POLR3B: variants seen among roughly 807,000 people sequenced by gnomAD.
The protein encoded by POLR3B is DNA-directed RNA polymerase III subunit RPC2.
Under a neutral mutation model 147.4 loss-of-function variants are expected in POLR3B, and 96 were observed. That is an observed-to-expected ratio of 0.65 (90% CI 0.55 to 0.77). The LOEUF (loss-of-function observed/expected upper bound fraction) is 0.77, where lower values mean the gene tolerates loss of function less well. POLR3B is among the 30% of genes least tolerant of loss of function. The pLI is 0.00. For missense variants in POLR3B, 1,036 were observed against 1,413.5 expected (o/e 0.73, Z 4.28); for synonymous variants, 461 against 485.9 (o/e 0.95, Z 0.67).
chr12:106,399,592 C>T (rs1363109875), intron 10 of POLR3B, among the ~76,000 whole-genome samples: 1 of 152,120 alleles, frequency 6.6e-6, no homozygotes, highest in African/African-American at 2.4e-5. Context: ...ATCGGGTTAC[C>T]CACAAAGGGA....
At chr12:106,468,461 T>G (rs893426552) in intron 23 of POLR3B, among the ~76,000 whole-genome samples, 4 of 152,220 alleles carry the variant, frequency 2.6e-5, no homozygotes. Flanking sequence ...TCAGTTCTGC[T>G]CTGATCTTAG....
chr12:106,396,753 G>A (rs1371586849), intron 10 of POLR3B, among the ~76,000 whole-genome samples: 1 of 151,928 alleles, frequency 6.6e-6, no homozygotes, highest in Non-Finnish European at 1.5e-5. Context: ...AAGAATCAAA[G>A]ATCCCAGCCT....
chr12:106,499,700 A>C (rs759356927), intron 25 of POLR3B, among the ~76,000 whole-genome samples: 4 of 152,198 alleles, frequency 2.6e-5, no homozygotes, highest in Non-Finnish European at 5.9e-5. Flanking sequence ...AACTAAGAAC[A>C]CTCAGCTAGA....
chr12:106,432,266 A>G (rs1325646074), intron 14 of POLR3B, 52 bp from the exon 15 acceptor site: 1 of 1,520,630 alleles, frequency 6.6e-7, no homozygotes, highest in Non-Finnish European at 9.1e-7. Flanking sequence ...TGTAAACTGT[A>G]CTTTGTATTA....
chr12:106,488,339 G>A (rs2038368414), intron 23 of POLR3B, among the ~76,000 whole-genome samples: 1 of 152,230 alleles, frequency 6.6e-6, no homozygotes, highest in Non-Finnish European at 1.5e-5. Flanking sequence ...TCCTTTAGTA[G>A]TATGCAAAAT....
At chr12:106,487,202 A>C (rs1341733224) in intron 23 of POLR3B, among the ~76,000 whole-genome samples, 1 of 152,214 alleles carries the variant, frequency 6.6e-6, no homozygotes, top group Non-Finnish European at 1.5e-5. Context: ...AGCTGATAAA[A>C]ATTTCAAAGT....
intron 12 of POLR3B, among the ~76,000 whole-genome samples, chr12:106,423,732 AT>A (rs1225430092): frequency 2.0e-5 from 3 of 152,162 alleles, no homozygotes; most frequent in African/African-American, 7.2e-5. Context: ...ACTGATTGAA[AT>A]GTCAATCTCT....
rs139134791 is a variant in POLR3B at position 106,501,305 on chromosome 12, A to T, written c.2985-18A>T. On this transcript the variant is annotated intron_variant, in intron 25 of 27. Transcript: ENST00000228347. ...CAAACTTAGTTTCTTAACCCACAAC[A>T]ATTGATCTTTCTTTCAGTGAGCCCT... The T allele has an allele frequency of 1.1e-3, 1,675 of 1,524,350 alleles. 18 individuals carry two copies. The African/African-American group carries it at 0.02, about 18-fold the overall frequency. 94.4% of individuals were successfully genotyped at this position (1,524,350 alleles called of 1,614,324 possible). A position where few individuals can be genotyped will look rare whatever the true frequency, so the allele number is the denominator to read the frequency against.
intron 9 of POLR3B, among the ~76,000 whole-genome samples, chr12:106,386,784 G>C (rs193090849): frequency 9.1e-4 from 138 of 152,118 alleles, no homozygotes; most frequent in South Asian, 1.2e-3. Flanking sequence ...GCAGGTGCCT[G>C]TAGTCCCAGC....
intron 23 of POLR3B, among the ~76,000 whole-genome samples, chr12:106,466,968 G>GT (rs2038014810): frequency 6.6e-6 from 1 of 152,190 alleles, no homozygotes; most frequent in African/African-American, 2.4e-5. Flanking sequence ...CTTTAAAGTA[G>GT]TTTTCTCTGG....
intron 23 of POLR3B, among the ~76,000 whole-genome samples, chr12:106,475,427 C>G (rs1425398988): frequency 5.3e-5 from 5 of 94,664 alleles, no homozygotes; most frequent in Non-Finnish European, 1.1e-4. Flanking sequence ...TCCTTGTTGA[C>G]TTTCTGTCTC....
chr12:106,510,076 A>C lies in POLR3B; in HGVS notation c.*527A>C, dbSNP rs1411764447. 6 of 172,952 alleles carry C rather than the reference A, an allele frequency of 3.5e-5. No homozygotes were observed. The East Asian group carries it at 9.2e-4, about 26-fold the overall frequency. The allele number at this position is 172,952 out of a possible 1,614,324, so 10.7% of individuals were successfully genotyped here. Reference sequence around the variant, plus strand: ...TTTGTAATTTTAGTCTTGGTGAAATATAATGAATTTGTTCCTACCTTGTCA... The same window carrying C: ...TTTGTAATTTTAGTCTTGGTGAAATCTAATGAATTTGTTCCTACCTTGTCA... On this transcript the variant is annotated 3_prime_UTR_variant, in exon 28 of 28. Coordinates refer to ENST00000228347, the MANE Select transcript of POLR3B (RefSeq NM_018082.6).
intron 25 of POLR3B, 101 bp from the exon 26 acceptor site, chr12:106,501,222 A>G: frequency 1.3e-6 from 1 of 771,238 alleles, no homozygotes; most frequent in South Asian, 1.4e-5. Context: ...TTATCCAGTC[A>G]GTCATAAATG....
At chr12:106,499,672 C>T (rs2038562972) in intron 25 of POLR3B, among the ~76,000 whole-genome samples, 2 of 152,210 alleles carry the variant, frequency 1.3e-5, no homozygotes, top group Admixed American at 6.5e-5. Flanking sequence ...GAATCTTGTT[C>T]TGACCGCCTT....
chr12:106,496,528 C>G (rs908662330), intron 24 of POLR3B: 11 of 606,548 alleles, frequency 1.8e-5, no homozygotes, highest in African/African-American at 3.7e-5. Flanking sequence ...TTATCCTTCC[C>G]ATACTTCAGT....
intron 27 of POLR3B, among the ~76,000 whole-genome samples, chr12:106,506,927 G>A (rs2038697434): frequency 6.6e-6 from 1 of 152,180 alleles, no homozygotes; most frequent in African/African-American, 2.4e-5. Flanking sequence ...GTCGTTGGAG[G>A]AAGTCGCTCT....
chr12:106,414,127 CTA>C (rs1326711638), intron 12 of POLR3B, among the ~76,000 whole-genome samples: 1 of 142,952 alleles, frequency 7.0e-6, no homozygotes, highest in Non-Finnish European at 1.5e-5. Context: ...AGGTGGACCA[CTA>C]TTTTTATTTC....
chr12:106,403,615 G>A (rs1193137312), intron 10 of POLR3B, among the ~76,000 whole-genome samples: 3 of 152,014 alleles, frequency 2.0e-5, no homozygotes, highest in South Asian at 2.1e-4. Flanking sequence ...ATACACCATG[G>A]AATACTATGC....
In POLR3B at chr12:106,366,723, G is replaced by A. The variant is rs750015005; in HGVS notation, c.227+1G>A. 6.2e-7 allele frequency: 1 copy of A among 1,605,472 alleles called. No individual in the cohort carries two copies. The highest frequency in any genetic ancestry group is 8.5e-7 in the Non-Finnish European group (1 of 1,172,352). ...ACGCTGACCCTATGTGGTACTTAAA[G>A]TAAGGAACCAACATTCTTAATTTGC... On this transcript the variant is annotated splice_donor_variant, in intron 4 of 27. Coordinates refer to ENST00000228347, the MANE Select transcript of POLR3B (RefSeq NM_018082.6). LOFTEE classifies it high-confidence loss of function.
Sources: gnomAD v4.1 joint callset for allele counts (sites outside exome capture counted in the v4.1 genomes callset) on GRCh38, gnomAD v4.1.1 for gene constraint, MANE v1.5 for transcripts, NCBI Gene and HGNC (gene_info 2026-07-23, HGNC 2026-07-21) for gene names.